Variants in CCDC125 observed in about 807,000 individuals in gnomAD.
CCDC125 encodes coiled-coil domain-containing protein 125.
In CCDC125, 43 loss-of-function variants were observed where a neutral mutation model predicts 57.4. The observed-to-expected ratio is 0.75, with a 90% CI of 0.59 to 0.97. The LOEUF (loss-of-function observed/expected upper bound fraction) is 0.97, where lower values mean the gene tolerates loss of function less well. Among genes scored for constraint, CCDC125 ranks in the 50% least tolerant of loss-of-function variants. The probability of loss-of-function intolerance (pLI) is 0.00; values close to 1 mark genes in which losing one functional copy is unlikely to be tolerated. For missense variants in CCDC125, 563 were observed against 595.7 expected, an observed-to-expected ratio of 0.95 and a Z score of 0.57; for synonymous variants, 187 against 195.2, an observed-to-expected ratio of 0.96 and a Z score of 0.35.
chr5:69,311,603 G>A (rs1234666962), intron 3 of CCDC125, among the ~76,000 whole-genome samples: 1 of 151,868 alleles, frequency 6.6e-6, no homozygotes. Context: ...AGTGAGCCGA[G>A]GCTGAGCCAC....
chr5:69,308,344 T>C (rs1314812615), intron 4 of CCDC125: 1 of 353,488 alleles, frequency 2.8e-6, no homozygotes, highest in African/African-American at 2.1e-5. Context: ...AAATCTCATT[T>C]TGAATTGTAC....
chr5:69,279,496 G>A (rs1455888119), downstream of CCDC125, among the ~76,000 whole-genome samples: 1 of 151,932 alleles, frequency 6.6e-6, no homozygotes, highest in Non-Finnish European at 1.5e-5. Flanking sequence ...GTGCCCGGCC[G>A]CTCATGCAGT....
At chr5:69,330,684 C>T (rs914220312) in intron 1 of CCDC125, among the ~76,000 whole-genome samples, 1 of 152,160 alleles carries the variant, frequency 6.6e-6, no homozygotes, top group African/African-American at 2.4e-5. Context: ...TGCTCCAAAA[C>T]ACTCAGGAGC....
intron 6 of CCDC125, among the ~76,000 whole-genome samples, chr5:69,305,344 G>A (rs1238163690): frequency 1.3e-5 from 2 of 152,084 alleles, no homozygotes; most frequent in Non-Finnish European, 2.9e-5. Flanking sequence ...CTCCTGAGTA[G>A]CTGGGATACA....
chr5:69,318,311 G>A (rs1759458424), intron 2 of CCDC125, among the ~76,000 whole-genome samples: 2 of 152,102 alleles, frequency 1.3e-5, no homozygotes, highest in Admixed American at 1.3e-4. Flanking sequence ...GCCGGATATG[G>A]TGGAACATGC....
rs1190392469 is a variant in CCDC125, at chr5:69,292,237, C to T, written c.1050G>A (p.Met350Ile). 1 of 1,613,368 alleles carries T rather than the reference C, an allele frequency of 6.2e-7. No individual in the cohort carries two copies. The highest frequency in any genetic ancestry group is 1.7e-5 in the Admixed American group (1 of 59,940). Residue 350 changes from methionine (M) to isoleucine (I), a missense_variant, in exon 10 of 12, where the codon ATG becomes ATA. Coordinates refer to ENST00000396496, the MANE Select transcript of CCDC125 (RefSeq NM_176816.5). Reference protein sequence around the residue: ...QALQLTQMDKMHKKATKWMNW... With the variant: ...QALQLTQMDKIHKKATKWMNW... ...TCATCCATTTTGTTGCTTTTTTATG[C>T]ATTTTATCCATTTGTGTCAATTGTA...
In CCDC125 at chr5:69,283,042, C is replaced by T; in HGVS notation, c.1231-8G>A. Reference sequence around the variant, plus strand: ...TTCTTCTTTATCATTAAGCTGCATGCACAGAAATTAAACATGTACAAGTTA... The same window carrying T: ...TTCTTCTTTATCATTAAGCTGCATGTACAGAAATTAAACATGTACAAGTTA... On this transcript the variant is annotated splice_region_variant and splice_polypyrimidine_tract_variant and intron_variant, in intron 11 of 11. Coordinates refer to ENST00000396496, the MANE Select transcript of CCDC125 (RefSeq NM_176816.5). The T allele has an allele frequency of 6.4e-7, 1 of 1,568,240 alleles. No homozygotes were observed. Among genetic ancestry groups the T allele is most frequent in the Non-Finnish European group, 8.6e-7 (1 of 1,162,106 alleles).
At chr5:69,332,255 G>A (rs1006103411) in intron 1 of CCDC125, among the ~76,000 whole-genome samples, 1 of 152,224 alleles carries the variant, frequency 6.6e-6, no homozygotes, top group Non-Finnish European at 1.5e-5. Context: ...AAGAATTCCT[G>A]TGTACCTTTT....
chr5:69,318,747 C>T (rs1227597248), intron 2 of CCDC125, among the ~76,000 whole-genome samples: 1 of 151,384 alleles, frequency 6.6e-6, no homozygotes, highest in Non-Finnish European at 1.5e-5. Context: ...GAGTGAGACT[C>T]CACCTCATAA....
rs143311074 is a variant in CCDC125, at chr5:69,311,084, T to C, written c.453+34A>G. ...CCATACCAACATTATTATTGGAATGTGTAAATGGTGAAAGTTTAAAAACAA... is the reference window on the plus strand; with the variant it reads ...CCATACCAACATTATTATTGGAATGCGTAAATGGTGAAAGTTTAAAAACAA... On this transcript the variant is annotated intron_variant, in intron 4 of 11. Transcript: ENST00000396496. The C allele has an allele frequency of 1.2e-4, 162 of 1,358,292 alleles. No individual in the cohort carries two copies. The East Asian group carries it at 3.4e-3, about 29-fold the overall frequency. 84.1% of individuals were successfully genotyped at this position (1,358,292 alleles called of 1,614,324 possible). A position where few individuals can be genotyped will look rare whatever the true frequency, so the allele number is the denominator to read the frequency against.
intron 9 of CCDC125, among the ~76,000 whole-genome samples, chr5:69,293,372 C>T (rs1754786239): frequency 6.6e-6 from 1 of 152,112 alleles, no homozygotes; most frequent in Non-Finnish European, 1.5e-5. Flanking sequence ...TTTATTTTGG[C>T]TGGGCTCAGT....
At chr5:69,314,178 T>G in intron 2 of CCDC125, 132 bp from the exon 3 acceptor site, 1 of 661,902 alleles carries the variant, frequency 1.5e-6, no homozygotes. Context: ...AGAATTATAA[T>G]AGAACACCAG....
chr5:69,331,690 A>C (rs576929667), intron 1 of CCDC125, among the ~76,000 whole-genome samples: 2 of 152,114 alleles, frequency 1.3e-5, no homozygotes, highest in Non-Finnish European at 2.9e-5. Context: ...ACTTGCTCCC[A>C]GGGCTCCTCC....
At chr5:69,306,565 T>G (rs889907922) in intron 6 of CCDC125, among the ~76,000 whole-genome samples, 1 of 152,152 alleles carries the variant, frequency 6.6e-6, no homozygotes, top group Non-Finnish European at 1.5e-5. Flanking sequence ...TGGACTCAAG[T>G]GATCCTCAGA....
chr5:69,278,789 C>T (rs1036148450), downstream of CCDC125, among the ~76,000 whole-genome samples: 1 of 143,058 alleles, frequency 7.0e-6, no homozygotes, highest in African/African-American at 2.6e-5. Flanking sequence ...CAGCTTCGAA[C>T]TCCTGGGCTC....
chr5:69,330,101 T>C (rs1561196262), intron 1 of CCDC125, among the ~76,000 whole-genome samples: 1 of 152,186 alleles, frequency 6.6e-6, no homozygotes, highest in East Asian at 1.9e-4. Flanking sequence ...ACTCACTAAG[T>C]CCAGGTCCAC....
At chr5:69,313,395 G>A in intron 3 of CCDC125, 3 of 1,518,340 alleles carry the variant, frequency 2.0e-6, no homozygotes, top group Non-Finnish European at 2.7e-6. Context: ...CCTCCAGGGA[G>A]ATGATGGCAC....
At chr5:69,315,097 AAC>A in intron 2 of CCDC125, among the ~76,000 whole-genome samples, 1 of 151,786 alleles carries the variant, frequency 6.6e-6, no homozygotes, top group East Asian at 1.9e-4. Flanking sequence ...CTCTACTAAA[AAC>A]ACAAAAATTA....
At chr5:69,276,114 C>G (rs770940499), downstream of CCDC125, among the ~76,000 whole-genome samples, 1 of 152,174 alleles carries the variant, frequency 6.6e-6, no homozygotes, top group Non-Finnish European at 1.5e-5. Context: ...ACTGCAACCT[C>G]TGCCTCTGGG....
Sources: gnomAD v4.1 joint callset for allele counts (sites outside exome capture counted in the v4.1 genomes callset) on GRCh38, gnomAD v4.1.1 for gene constraint, MANE v1.5 for transcripts, NCBI Gene and HGNC (gene_info 2026-07-23, HGNC 2026-07-21) for gene names.